ETV3: variants seen among roughly 807,000 people sequenced by gnomAD.
ETV3 encodes ETS variant transcription factor 3, also known as ETS translocation variant 3.
A neutral mutation model predicts 33.0 loss-of-function variants in ETV3; 8 were observed. The observed-to-expected ratio is 0.24, with a 90% CI of 0.14 to 0.44. The LOEUF (loss-of-function observed/expected upper bound fraction) is 0.44, where lower values mean the gene tolerates loss of function less well. ETV3 is among the 20% of genes least tolerant of loss of function. ETV3 has a pLI of 1.00. For synonymous variants in ETV3, 222 were observed against 238.9 expected (o/e 0.93, Z 0.65); for missense variants, 473 against 652.3 (o/e 0.73, Z 2.99).
Position 157,124,883 on chromosome 1 carries a change from C to A in ETV3, c.1497G>T (p.Gly499=). Residue 499 remains glycine, a synonymous_variant, in exon 5 of 5, where the codon GGG becomes GGT. Coordinates refer to ENST00000368192, the MANE Select transcript of ETV3 (RefSeq NM_001145312.3). ...LSKSGKFLWN[G]SGPQGLATAA... Reference sequence around the variant, plus strand: ...CTGTTGCCAAGCCCTGGGGTCCTGACCCATTCCAGAGAAACTTGCCACTCT... The same window carrying A: ...CTGTTGCCAAGCCCTGGGGTCCTGAACCATTCCAGAGAAACTTGCCACTCT... 1 of 1,550,996 alleles carries A rather than the reference C, an allele frequency of 6.4e-7. No individual in the cohort carries two copies. Among genetic ancestry groups the A allele is most frequent in the South Asian group, 1.2e-5 (1 of 83,960 alleles).
Position 157,125,087 on chromosome 1 carries a change from G to A in ETV3, c.1293C>T (p.Ile431=). The A allele has an allele frequency of 6.5e-7, 1 of 1,546,040 alleles. No individual in the cohort carries two copies. Among genetic ancestry groups the A allele is most frequent in the Non-Finnish European group, 8.7e-7 (1 of 1,143,926 alleles). The change falls in exon 5 of 5, where the codon ATC becomes ATT. Residue 431 remains isoleucine, a synonymous_variant. Coordinates refer to ENST00000368192, the MANE Select transcript of ETV3 (RefSeq NM_001145312.3). This position sits in a 1 kb window ranked among gnomAD's most constrained non-coding sequence, Gnocchi z 4.0. ...GGGTGCTAATGGGCACAGAGGGCCA[G>A]ATGGGTGGTGCAGCAGGACGGGCAA... is the stretch of plus-strand genomic sequence containing the variant. The part of the protein sequence containing the change: ...TIFARPAAPP[I]WPSVPISTPS...
intron 2 of ETV3, 105 bp downstream of exon 2, chr1:157,136,202 A>T: frequency 9.2e-7 from 1 of 1,086,314 alleles, no homozygotes; most frequent in Middle Eastern, 2.0e-4. Context: ...TAGCCAAGAG[A>T]GTGTCAGTCA....
chr1:157,125,462 A>T lies in ETV3; in HGVS notation c.918T>A (p.Ala306=). ...EEMKHYLHSQ[A]CSVFNYHLSP... ...TCAGATGGTAGTTGAACACAGAACA[A>T]GCTTGAGAATGAAGGTAGTGTTTCA... The change falls in exon 5 of 5, where the codon GCT becomes GCA. Residue 306 remains alanine (A), a synonymous_variant. Transcript: ENST00000368192. This position sits in a 1 kb window ranked among gnomAD's most constrained non-coding sequence, Gnocchi z 4.0. The T allele has an allele frequency of 6.4e-7, 1 of 1,552,350 alleles. No individual in the cohort carries two copies. The highest frequency in any genetic ancestry group is 8.7e-7 in the Non-Finnish European group (1 of 1,147,130).
rs959123392 is a variant in ETV3, at chr1:157,126,406, T to C, written c.401-427A>G. Among the ~76,000 whole-genome samples, 5 of 152,248 alleles carry C rather than the reference T, an allele frequency of 3.3e-5. 1 individual carries two copies. The highest frequency in any genetic ancestry group is 7.3e-5 in the Non-Finnish European group (5 of 68,040). ...CTCTAAATATTGTGTATATATTACC[T>C]GTTTCAATTTTTAGCTCTGCAAATA... is the stretch of plus-strand genomic sequence containing the variant. On this transcript the variant is annotated intron_variant, in intron 4 of 4. Transcript: ENST00000368192.
chr1:157,133,647 C>T (rs1376496464), intron 4 of ETV3: 1 of 988,226 alleles, frequency 1.0e-6, no homozygotes, highest in African/African-American at 1.7e-5. Flanking sequence ...ACATGTGAAC[C>T]TCCCCCTTCT....
Position 157,135,459 on chromosome 1 carries a change from C to A in ETV3, c.284+12G>T. 1 of 1,613,784 alleles carries A rather than the reference C, an allele frequency of 6.2e-7. No individual in the cohort carries two copies. Among genetic ancestry groups the A allele is most frequent in the Non-Finnish European group, 8.5e-7 (1 of 1,179,738 alleles). ...AATCTGTTAACACAGATTTGGGAAT[C>A]CTTTTCCTTACCTGAGGGCCCGGCT... is the stretch of plus-strand genomic sequence containing the variant. On this transcript the variant is annotated intron_variant, in intron 3 of 4. Coordinates refer to ENST00000368192, the MANE Select transcript of ETV3 (RefSeq NM_001145312.3).
intron 4 of ETV3, 75 bp from the exon 5 acceptor site, chr1:157,126,054 G>T: frequency 7.6e-7 from 1 of 1,312,784 alleles, no homozygotes; most frequent in Non-Finnish European, 1.0e-6. Flanking sequence ...CTAACTAAGT[G>T]CAAAATATTT....
At position 157,121,278 on chromosome 1, in the gene ETV3, C is replaced by A. The variant is rs1253149758; in HGVS notation, c.*3563G>T. Reference sequence around the variant, plus strand: ...TAACAAAATACAGAGCTATCAGATACCCCTGGAAAAAATATGTATATTATA... The same window carrying A: ...TAACAAAATACAGAGCTATCAGATAACCCTGGAAAAAATATGTATATTATA... On this transcript the variant is annotated 3_prime_UTR_variant, in exon 5 of 5. Coordinates refer to ENST00000368192, the MANE Select transcript of ETV3 (RefSeq NM_001145312.3). 1 of 151,618 alleles carries A rather than the reference C, an allele frequency of 6.6e-6. No individual in the cohort carries two copies. The allele number at this position is 151,618 out of a possible 1,614,324, so 9.4% of individuals were successfully genotyped here.
chr1:157,136,205 G>T, intron 2 of ETV3, 102 bp downstream of exon 2: 1 of 1,117,336 alleles, frequency 8.9e-7, no homozygotes, highest in Non-Finnish European at 1.4e-6. Flanking sequence ...CCAAGAGAGT[G>T]TCAGTCATGG....
At chr1:157,135,127 T>C in intron 3 of ETV3, 1 of 323,780 alleles carries the variant, frequency 3.1e-6, no homozygotes, top group East Asian at 5.9e-5. Context: ...TTCTAACAGA[T>C]TCTAATAGAG....
intron 4 of ETV3, chr1:157,133,487 A>G (rs886808800): frequency 2.2e-4 from 213 of 985,812 alleles, no homozygotes; most frequent in Non-Finnish European, 2.2e-4. Flanking sequence ...ATCAAGAGAG[A>G]ATGTGGGGAG....
Position 157,134,358 on chromosome 1 carries a change from G to A in ETV3, c.285-131C>T, listed in dbSNP as rs888447959. On this transcript the variant is annotated intron_variant, in intron 3 of 4. Transcript: ENST00000368192. ...CAAAAATCACTACCAATCTTTCGCA[G>A]CCTGGCCCTCCAGGTAGATCTAGGA... The A allele has an allele frequency of 2.5e-6, 3 of 1,202,438 alleles. No homozygotes were observed. In the Admixed American group the frequency reaches 9.4e-5, roughly 38 times the overall value. The allele number at this position is 1,202,438 out of a possible 1,614,324, so 74.5% of individuals were successfully genotyped here.
chr1:157,126,008 C>A, intron 4 of ETV3, 29 bp from the exon 5 acceptor site: 1 of 1,497,970 alleles, frequency 6.7e-7, no homozygotes, highest in Non-Finnish European at 8.9e-7. Flanking sequence ...CAAAAGCCTG[C>A]ATCAGAGGAC....
chr1:157,133,864 GAGATT>G (rs1675030403), intron 4 of ETV3: 1 of 1,336,086 alleles, frequency 7.5e-7, no homozygotes. Flanking sequence ...TAGTATCTAG[GAGATT>G]ACAAACAATA....
intron 2 of ETV3, 107 bp from the exon 3 acceptor site, chr1:157,135,815 C>T: frequency 8.6e-7 from 1 of 1,160,782 alleles, no homozygotes; most frequent in Non-Finnish European, 1.2e-6. Flanking sequence ...GCTTTGCAAA[C>T]ATGCTGTAAG....
rs2103196035 is a variant in ETV3, at chr1:157,122,496, G to C, written c.*2345C>G. On this transcript the variant is annotated 3_prime_UTR_variant, in exon 5 of 5. Coordinates refer to ENST00000368192, the MANE Select transcript of ETV3 (RefSeq NM_001145312.3). ...CATTTTTCGAGTGTGTTTTTTTCAA[G>C]TGTAAAAGCAGTGACATTTTGTTCA... is the stretch of plus-strand genomic sequence containing the variant. 1 of 152,202 alleles carries C rather than the reference G, an allele frequency of 6.6e-6. No homozygotes were observed. Among genetic ancestry groups the C allele is most frequent in the South Asian group, 2.1e-4 (1 of 4,822 alleles). The allele number at this position is 152,202 out of a possible 1,614,324, so 9.4% of individuals were successfully genotyped here.
intron 3 of ETV3, among the ~76,000 whole-genome samples, 199 bp from the exon 4 acceptor site, chr1:157,134,426 C>T (rs537327968): frequency 7.2e-5 from 11 of 152,318 alleles, no homozygotes; most frequent in East Asian, 3.9e-4. Context: ...CAACTCAGCT[C>T]GTTTTTGCCT....
chr1:157,124,853 A>T lies in ETV3; in HGVS notation c.1527T>A (p.Ala509=), dbSNP rs1393517522. 1 of 1,537,226 alleles carries T rather than the reference A, an allele frequency of 6.5e-7. No individual in the cohort carries two copies. Residue 509 remains alanine (A), a synonymous_variant, in exon 5 of 5, where the codon GCT becomes GCA. Transcript: ENST00000368192. ...TCCACTTCCAGTTCTAAGCATCAGC[A>T]GCTGCTGTTGCCAAGCCCTGGGGTC... is the stretch of plus-strand genomic sequence containing the variant. The part of the protein sequence containing the change: ...GSGPQGLATA[A]ADA
intron 2 of ETV3, 41 bp from the exon 3 acceptor site, chr1:157,135,749 A>G (rs747190597): frequency 1.6e-5 from 25 of 1,593,048 alleles, no homozygotes; most frequent in Non-Finnish European, 2.2e-5. Context: ...GTTAAGAGGT[A>G]GGTACATACA....
Sources: allele counts gnomAD v4.1 joint callset (sites outside exome capture counted in the v4.1 genomes callset), GRCh38; gene constraint gnomAD v4.1.1; non-coding constraint Gnocchi (gnomAD v3.1); transcripts MANE v1.5; gene names NCBI Gene and HGNC (gene_info 2026-07-23, HGNC 2026-07-21).